Variants in CROCC observed in about 807,000 individuals in gnomAD.
The protein encoded by CROCC is ciliary rootlet coiled-coil, rootletin, also known as rootletin.
CROCC carries 180 observed loss-of-function variants against 245.2 expected under a neutral mutation model. That is an observed-to-expected ratio of 0.73 (90% CI 0.65 to 0.83). The LOEUF (loss-of-function observed/expected upper bound fraction) is 0.83, where lower values mean the gene tolerates loss of function less well. Ranked by LOEUF, CROCC falls within the 40% of genes least tolerant of loss-of-function variation. CROCC has a pLI of 0.00. For synonymous variants in CROCC, 1,205 were observed against 1,241.6 expected (o/e 0.97, Z 0.62); for missense variants, 2,688 against 2,779.4 (o/e 0.97, Z 0.74).
Position 16,953,314 on chromosome 1 carries a change from C to T in CROCC, c.3019C>T (p.Arg1007Trp), listed in dbSNP as rs912015038. Residue 1007 changes from arginine to tryptophan, a missense_variant, in exon 21 of 37, where the codon CGG (arginine) becomes TGG (tryptophan). This residue lies in a region of CROCC where 106 missense variants were observed against 126.1 expected (regional missense o/e 0.84). Transcript: ENST00000375541. The stretch of plus-strand genomic sequence containing the variant: ...CCTGGCCCCCTAGGAGGCAGCATGG[C>T]GGGAGCTGGAGGCCGAGCGGGCCCA... Reference protein sequence around the residue: ...RLQREKEAAWRELEAERAQLQ... With the variant: ...RLQREKEAAWWELEAERAQLQ... The T allele has an allele frequency of 8.8e-6, 14 of 1,586,988 alleles. No individual in the cohort carries two copies. Among genetic ancestry groups the T allele is most frequent in the Admixed American group, 5.4e-5 (3 of 55,970 alleles).
chr1:16,966,371 G>T lies in CROCC; in HGVS notation c.4697-37G>T. On this transcript the variant is annotated intron_variant, in intron 29 of 36. Coordinates refer to ENST00000375541, the MANE Select transcript of CROCC (RefSeq NM_014675.5). This position sits in a 1 kb window ranked among gnomAD's most constrained non-coding sequence, Gnocchi z 4.8. ...GACCTGGTTTGGGTCTCGGGGCTGT[G>T]CTTGGCCATGCCTGACGGGGTGGGT... 1 of 1,495,256 alleles carries T rather than the reference G, an allele frequency of 6.7e-7. No individual in the cohort carries two copies. The highest frequency in any genetic ancestry group is 2.2e-5 in the Admixed American group (1 of 45,630). 92.6% of individuals were successfully genotyped at this position (1,495,256 alleles called of 1,614,324 possible). A position where few individuals can be genotyped will look rare whatever the true frequency, so the allele number is the denominator to read the frequency against.
At position 16,940,042 on chromosome 1, in the gene CROCC, A is replaced by T. The variant is rs1367439823; in HGVS notation, c.1757A>T (p.Asp586Val). The T allele has an allele frequency of 2.5e-6, 4 of 1,610,444 alleles. No homozygotes were observed. Among genetic ancestry groups the T allele is most frequent in the African/African-American group, 1.3e-5 (1 of 74,886 alleles). ...GACGGCGCCATGCAGGCCCACGAGG[A>T]CGCCCAGCGCGAGGTGCAGCGGCTG... ...KTDGAMQAHE[D>V]AQREVQRLRS... The change falls in exon 13 of 37, where the codon GAC (aspartate) becomes GTC (valine). Residue 586 changes from aspartate to valine, a missense_variant. Around this residue, in one of 9 missense-constraint regions of CROCC, gnomAD observed 972 missense variants for 895.3 expected, o/e 1.09. Transcript: ENST00000375541.
intron 1 of CROCC, among the ~76,000 whole-genome samples, chr1:16,915,730 G>T (rs1248020113): frequency 6.6e-6 from 1 of 152,258 alleles, no homozygotes; most frequent in Admixed American, 6.5e-5. Context: ...CTGAGAGTCG[G>T]GGTAGCTCCC....
chr1:16,927,305 A>G (rs1379145606), intron 3 of CROCC, among the ~76,000 whole-genome samples: 1 of 152,264 alleles, frequency 6.6e-6, no homozygotes, highest in African/African-American at 2.4e-5. Context: ...ATGACACAGC[A>G]CGCTATCTCC....
chr1:16,932,694 A>G (rs2075704897), intron 8 of CROCC, among the ~76,000 whole-genome samples: 2 of 152,334 alleles, frequency 1.3e-5, no homozygotes, highest in South Asian at 4.1e-4. Flanking sequence ...GGGGGTTGCA[A>G]TGAAGAGCTG....
In CROCC at chr1:16,937,441, G is replaced by A. The variant is rs2075816721; in HGVS notation, c.1194-200G>A. On this transcript the variant is annotated intron_variant, in intron 9 of 36. Transcript: ENST00000375541. ...AACTGCTTTCCCATGAGATAAAGCT[G>A]GTGGGAACCTCATTCCCATTTCACA... 3.3e-5 allele frequency among the ~76,000 whole-genome samples: 5 copies of A among 152,362 alleles called. No individual in the cohort carries two copies. In the South Asian group the frequency reaches 1.0e-3, roughly 32 times the overall value.
chr1:16,968,998 G>A (rs1213150107), intron 31 of CROCC, 118 bp from the exon 32 acceptor site: 2 of 969,904 alleles, frequency 2.1e-6, no homozygotes, highest in Admixed American at 2.0e-5. Flanking sequence ...AATGATGGAG[G>A]CCCAGAGAGA....
At chr1:16,952,176 G>A (rs1043369272) in intron 20 of CROCC, among the ~76,000 whole-genome samples, 2 of 149,342 alleles carry the variant, frequency 1.3e-5, no homozygotes, top group Admixed American at 6.7e-5. Flanking sequence ...CATGAGCTAC[G>A]GTGAAGATCT....
rs960049562 is a variant in CROCC, at chr1:16,961,008, C to G, written c.4283C>G (p.Ala1428Gly). 2.3e-6 allele frequency: 3 copies of G among 1,303,384 alleles called. No homozygotes were observed. The African/African-American group carries it at 4.7e-5, about 20-fold the overall frequency. The allele number at this position is 1,303,384 out of a possible 1,614,324, so 80.7% of individuals were successfully genotyped here. A position where few individuals can be genotyped will look rare whatever the true frequency, so the allele number is the denominator to read the frequency against. The change falls in exon 27 of 37, where the codon GCG (alanine) becomes GGG (glycine). Residue 1428 changes from alanine to glycine, a missense_variant. Around this residue, in one of 9 missense-constraint regions of CROCC, gnomAD observed 1,218 missense variants for 1,286.3 expected, o/e 0.95. Transcript: ENST00000375541. ...ELARVEVQRR[A>G]AEAQLGGLRS... is the part of the protein sequence containing the mutation. ...GCCCGCGTGGAGGTGCAGCGGCGCG[C>G]GGCGGAGGCCCAGCTGGGTGGCCTG...
At chr1:16,935,407 A>G (rs1408109925) in intron 8 of CROCC, among the ~76,000 whole-genome samples, 1 of 152,108 alleles carries the variant, frequency 6.6e-6, no homozygotes, top group Admixed American at 6.5e-5. Flanking sequence ...GAACTTCTCC[A>G]CTGGTTTTTT....
At position 16,929,830 on chromosome 1, in the gene CROCC, G is replaced by C; in HGVS notation, c.352-16G>C. The C allele has an allele frequency of 6.5e-7, 1 of 1,533,856 alleles. No homozygotes were observed. The highest frequency in any genetic ancestry group is 8.7e-7 in the Non-Finnish European group (1 of 1,143,378). ...CCAGGAGGCCCAGGACTCTCACCCA[G>C]GGCCCTTCCCTGCAGCTGGAGCAGG... is the stretch of plus-strand genomic sequence containing the variant. On this transcript the variant is annotated splice_polypyrimidine_tract_variant and intron_variant, in intron 3 of 36. Transcript: ENST00000375541.
At chr1:16,925,909 T>C (rs1185620188) in intron 3 of CROCC, among the ~76,000 whole-genome samples, 1 of 152,256 alleles carries the variant, frequency 6.6e-6, no homozygotes, top group Non-Finnish European at 1.5e-5. Context: ...GATGGGGCCC[T>C]GAGCCAGGCA....
upstream of CROCC, among the ~76,000 whole-genome samples, chr1:16,920,649 C>T (rs2075384216): frequency 6.6e-6 from 1 of 152,178 alleles, no homozygotes; most frequent in Non-Finnish European, 1.5e-5. Flanking sequence ...CGCCTAAGCA[C>T]TAGAGCACAT....
chr1:16,926,440 A>T (rs2075536444), intron 3 of CROCC, among the ~76,000 whole-genome samples: 2 of 152,264 alleles, frequency 1.3e-5, no homozygotes, highest in African/African-American at 4.8e-5. Context: ...CCATGGCCAC[A>T]GGTGGCAGTG....
In CROCC at chr1:16,938,469, A is replaced by G; in HGVS notation, c.1360A>G (p.Arg454Gly). ...TGGAGAGGGGCTACAGCAGACCCTA[A>G]GGGACCTGGCACAGGTGTGAGCCCA... ...EDGEGLQQTL[R>G]DLAQAVLSDS... Residue 454 changes from arginine to glycine, a missense_variant, in exon 11 of 37, where the codon AGG (arginine) becomes GGG (glycine). By Grantham distance (125) the Arg-to-Gly change is moderately radical. Coordinates refer to ENST00000375541, the MANE Select transcript of CROCC (RefSeq NM_014675.5). 1.3e-6 allele frequency: 2 copies of G among 1,577,580 alleles called. No homozygotes were observed. Among genetic ancestry groups the G allele is most frequent in the South Asian group, 2.3e-5 (2 of 85,778 alleles).
intron 3 of CROCC, among the ~76,000 whole-genome samples, chr1:16,925,766 G>A (rs1161903089): frequency 6.6e-6 from 1 of 152,272 alleles, no homozygotes; most frequent in African/African-American, 2.4e-5. Context: ...CCCACGACTA[G>A]TTGGGACTTG....
chr1:16,954,328 G>A lies in CROCC; in HGVS notation c.3292G>A (p.Asp1098Asn). The change falls in exon 22 of 37, where the codon GAT (aspartate) becomes AAT (asparagine). Residue 1098 changes from aspartate (D) to asparagine (N), a missense_variant. Around this residue, in one of 9 missense-constraint regions of CROCC, gnomAD observed 32 missense variants for 54.1 expected, o/e 0.59. Coordinates refer to ENST00000375541, the MANE Select transcript of CROCC (RefSeq NM_014675.5). The surrounding 1 kb of genome is among the most constrained non-coding windows in gnomAD (Gnocchi z 4.4). Reference sequence around the variant, plus strand: ...CCTGGAGATGGAGCGGCAGAAACGAGATGCCCAGAGCCGGCAGGAGCAGGA... The same window carrying A: ...CCTGGAGATGGAGCGGCAGAAACGAAATGCCCAGAGCCGGCAGGAGCAGGA... ...ISLEMERQKR[D>N]AQSRQEQDRS... The A allele has an allele frequency of 1.2e-6, 2 of 1,611,982 alleles. No individual in the cohort carries two copies. Among genetic ancestry groups the A allele is most frequent in the Admixed American group, 3.3e-5 (2 of 60,018 alleles).
intron 3 of CROCC, among the ~76,000 whole-genome samples, chr1:16,925,352 T>G (rs2075511311): frequency 6.6e-6 from 1 of 152,270 alleles, no homozygotes; most frequent in Non-Finnish European, 1.5e-5. Context: ...GATGCCCATG[T>G]AACAGAGGAG....
At chr1:16,930,862 C>T (rs1325980916) in intron 7 of CROCC, among the ~76,000 whole-genome samples, 2 of 152,296 alleles carry the variant, frequency 1.3e-5, no homozygotes, top group East Asian at 1.9e-4. Flanking sequence ...TAAGGCCGGT[C>T]GCAGTGGCTC....
Sources: gnomAD v4.1 joint callset for allele counts (sites outside exome capture counted in the v4.1 genomes callset) on GRCh38, gnomAD v4.1.1 for gene constraint, gnomAD v4.1.1 regional missense constraint, Gnocchi (gnomAD v3.1) non-coding constraint, MANE v1.5 for transcripts, NCBI Gene and HGNC (gene_info 2026-07-23, HGNC 2026-07-21) for gene names.